POLR3A: variants seen among roughly 807,000 people sequenced by gnomAD.
POLR3A encodes the protein RNA polymerase III subunit A.
In POLR3A, 112 loss-of-function variants were observed where a neutral mutation model predicts 152.8. The observed-to-expected ratio is 0.73, with a 90% CI of 0.63 to 0.86. The LOEUF is 0.86. Ranked by LOEUF, POLR3A falls within the 40% of genes least tolerant of loss-of-function variation. POLR3A has a pLI of 0.00. For missense variants in POLR3A, 1,385 were observed against 1,743.1 expected (o/e 0.79, Z 3.66); for synonymous variants, 615 against 652.1 (o/e 0.94, Z 0.87).
chr10:77,980,140 CCA>C lies in POLR3A; in HGVS notation c.4023_4024del (p.Cys1341TrpfsTer4), dbSNP rs1847126130. On this transcript the variant is annotated frameshift_variant and splice_region_variant, in exon 30 of 31. Transcript: ENST00000372371. LOFTEE classifies it high-confidence loss of function. ...GCTGTTCATAGAAACATCAAACCTA[CCA>C]CACACAGAGTCCTTCTGCCCGAAGT... 6.2e-7 allele frequency: 1 copy of C among 1,613,834 alleles called. No homozygotes were observed.
intron 20 of POLR3A, among the ~76,000 whole-genome samples, chr10:77,992,241 T>C (rs16935521): frequency 0.042 from 6,317 of 151,876 alleles, 327 homozygotes; most frequent in East Asian, 0.23. Context: ...CTACCAACAC[T>C]AGACTTTCAA....
Position 77,993,067 on chromosome 10 carries a change from A to G in POLR3A, c.2787+130T>C. 13 of 804,632 alleles carry G rather than the reference A, an allele frequency of 1.6e-5. No homozygotes were observed. The South Asian group carries it at 1.8e-4, about 11-fold the overall frequency. The allele number at this position is 804,632 out of a possible 1,614,324, so 49.8% of individuals were successfully genotyped here. A position where few individuals can be genotyped will look rare whatever the true frequency, so the allele number is the denominator to read the frequency against. ...ACAGAGTAACACAAAGAAAAAAGAT[A>G]CTAATCCAGTGCTTGGGATTATAAA... On this transcript the variant is annotated intron_variant, in intron 20 of 30. Coordinates refer to ENST00000372371, the MANE Select transcript of POLR3A (RefSeq NM_007055.4).
chr10:77,998,431 T>C (rs1847323717), intron 19 of POLR3A, among the ~76,000 whole-genome samples: 1 of 152,132 alleles, frequency 6.6e-6, no homozygotes, highest in Admixed American at 6.5e-5. Flanking sequence ...ATCCAGAATC[T>C]ACAATGAACT....
intron 10 of POLR3A, among the ~76,000 whole-genome samples, chr10:78,014,661 C>T (rs769603596): frequency 3.3e-5 from 5 of 152,208 alleles, no homozygotes; most frequent in Admixed American, 6.5e-5. Context: ...CCTTGGCCTC[C>T]CAAAGTGCTG....
intron 30 of POLR3A, among the ~76,000 whole-genome samples, chr10:77,978,807 C>A (rs917032813): frequency 6.6e-6 from 1 of 151,630 alleles, no homozygotes; most frequent in Non-Finnish European, 1.5e-5. Flanking sequence ...ATTACAGGTG[C>A]CTGCCACCGT....
At chr10:78,014,763 T>A (rs1439524476) in intron 10 of POLR3A, among the ~76,000 whole-genome samples, 1 of 152,128 alleles carries the variant, frequency 6.6e-6, no homozygotes, top group East Asian at 1.9e-4. Flanking sequence ...GAGCACTAAG[T>A]TCTTACTTCC....
chr10:78,000,020 G>T lies in POLR3A; in HGVS notation c.2577C>A (p.Val859=), dbSNP rs142657005. 10 of 1,613,916 alleles carry T rather than the reference G, an allele frequency of 6.2e-6. No homozygotes were observed. The African/African-American group carries it at 1.1e-4, about 17-fold the overall frequency. The stretch of plus-strand genomic sequence containing the variant: ...TTTCAGCTGTCTTTACAGCCGTGTC[G>T]ACTAGACCTTCCCGGCCGGCCATTG... ...FHTMAGREGL[V]DTAVKTAETG... Residue 859 remains valine, a synonymous_variant, in exon 19 of 31, where the codon GTC becomes GTA. Coordinates refer to ENST00000372371, the MANE Select transcript of POLR3A (RefSeq NM_007055.4).
At chr10:77,983,850 C>T (rs921177311) in intron 26 of POLR3A, 70 bp downstream of exon 26, 1 of 946,952 alleles carries the variant, frequency 1.1e-6, no homozygotes, top group Non-Finnish European at 1.7e-6. Context: ...TAGCTCTTGC[C>T]CTAGTTTATC....
intron 10 of POLR3A, among the ~76,000 whole-genome samples, chr10:78,015,036 A>G (rs1340897973): frequency 6.6e-6 from 1 of 152,240 alleles, no homozygotes; most frequent in African/African-American, 2.4e-5. Flanking sequence ...AACCACAAAA[A>G]GACAATTTTG....
chr10:77,993,061 A>T, intron 20 of POLR3A, 136 bp downstream of exon 20: 1 of 790,834 alleles, frequency 1.3e-6, no homozygotes, highest in Non-Finnish European at 2.2e-6. Context: ...CACAAAGAAA[A>T]AAGATACTAA....
intron 19 of POLR3A, among the ~76,000 whole-genome samples, chr10:77,998,318 T>G (rs574250003): frequency 0.028 from 4,185 of 151,842 alleles, 200 homozygotes; most frequent in African/African-American, 0.096. Context: ...CTAATTAAAC[T>G]AAAGAGCTTC....
chr10:77,985,948 G>A lies in POLR3A; in HGVS notation c.3026C>T (p.Thr1009Ile). The A allele has an allele frequency of 1.9e-6, 3 of 1,614,142 alleles. No homozygotes were observed. Among genetic ancestry groups the A allele is most frequent in the Non-Finnish European group, 1.7e-6 (2 of 1,180,008 alleles). ...GGTCTCCAGAAACTTTTCTACTTGG[G>A]TGGGGGTGATGCGGTCCAGCTGGTA... ...VLYQLDRITP[T>I]QVEKFLETCR... Residue 1009 changes from threonine (T) to isoleucine (I), a missense_variant, in exon 23 of 31, where the codon ACC becomes ATC. Around this residue, in one of 7 missense-constraint regions of POLR3A, gnomAD observed 178 missense variants for 204.6 expected, o/e 0.87. Transcript: ENST00000372371.
rs1205666804 is a variant in POLR3A at position 78,022,131 on chromosome 10, T to C, written c.885+14A>G. On this transcript the variant is annotated intron_variant, in intron 6 of 30. Transcript: ENST00000372371. ...ATATACTATGAAACTTACAAGGAAATGGGAGGCACTGACCTTTTTAATAAC... is the reference window on the plus strand; with the variant it reads ...ATATACTATGAAACTTACAAGGAAACGGGAGGCACTGACCTTTTTAATAAC... 3 of 1,614,174 alleles carry C rather than the reference T, an allele frequency of 1.9e-6. No homozygotes were observed. The African/African-American group carries it at 4.0e-5, about 22-fold the overall frequency.
chr10:77,986,884 A>G (rs1218696076), intron 21 of POLR3A, among the ~76,000 whole-genome samples: 1 of 152,240 alleles, frequency 6.6e-6, no homozygotes, highest in African/African-American at 2.4e-5. Flanking sequence ...TAGAGCAAGA[A>G]GAAGGTGAAA....
intron 30 of POLR3A, among the ~76,000 whole-genome samples, chr10:77,978,771 C>T (rs1394666307): frequency 1.3e-5 from 2 of 151,778 alleles, no homozygotes; most frequent in African/African-American, 4.8e-5. Context: ...AGAGATTCTC[C>T]TGCCTCAGCC....
Position 77,991,205 on chromosome 10 carries a change from C to A in POLR3A, c.2788-38G>T, listed in dbSNP as rs971273745. Reference sequence around the variant, plus strand: ...AAGAAAATTGCATTATGTGTGGGTGCCACAGAGAGCAGGCGGTAGTAGATG... The same window carrying A: ...AAGAAAATTGCATTATGTGTGGGTGACACAGAGAGCAGGCGGTAGTAGATG... On this transcript the variant is annotated intron_variant, in intron 20 of 30. Transcript: ENST00000372371. The A allele has an allele frequency of 3.4e-6, 4 of 1,168,294 alleles. No homozygotes were observed. The Admixed American group carries it at 6.8e-5, about 20-fold the overall frequency. The allele number at this position is 1,168,294 out of a possible 1,614,324, so 72.4% of individuals were successfully genotyped here. A position where few individuals can be genotyped will look rare whatever the true frequency, so the allele number is the denominator to read the frequency against.
chr10:78,025,665 C>T lies in POLR3A; in HGVS notation c.275G>A (p.Cys92Tyr), dbSNP rs200952070. Residue 92 changes from cysteine (C) to tyrosine (Y), a missense_variant, in exon 3 of 31, where the codon TGT becomes TAT. Physicochemically the swap from Cys to Tyr is radical, Grantham distance 194. Transcript: ENST00000372371. ...TGCTCTGAAGTACCCTACATGAAAA[C>T]ACGGCAACTCCAGGTCGATATACCC... ...HYGYIDLELP[C>Y]FHVGYFRAVI... 1.9e-6 allele frequency: 3 copies of T among 1,614,002 alleles called. No individual in the cohort carries two copies. Among genetic ancestry groups the T allele is most frequent in the African/African-American group, 2.7e-5 (2 of 74,900 alleles).
intron 26 of POLR3A, among the ~76,000 whole-genome samples, chr10:77,983,573 G>A (rs943915055): frequency 1.3e-5 from 2 of 152,178 alleles, no homozygotes; most frequent in African/African-American, 4.8e-5. Flanking sequence ...CATGCTGGGC[G>A]CTGGGGATCC....
intron 24 of POLR3A, among the ~76,000 whole-genome samples, 173 bp downstream of exon 24, chr10:77,984,997 T>C (rs534616358): frequency 6.6e-6 from 1 of 152,240 alleles, no homozygotes; most frequent in Non-Finnish European, 1.5e-5. Context: ...TTAGACTTTT[T>C]CTTGAGTGGC....
Sources: allele counts gnomAD v4.1 joint callset (sites outside exome capture counted in the v4.1 genomes callset), GRCh38; gene constraint gnomAD v4.1.1; regional missense constraint gnomAD v4.1.1; transcripts MANE v1.5; gene names NCBI Gene and HGNC (gene_info 2026-07-23, HGNC 2026-07-21).